Variants in MAP7 observed in about 807,000 individuals in gnomAD.
MAP7 encodes microtubule associated protein 7.
MAP7 carries 52 observed loss-of-function variants against 94.8 expected under a neutral mutation model. The observed-to-expected ratio is 0.55, with a 90% CI of 0.44 to 0.69. The LOEUF (loss-of-function observed/expected upper bound fraction) is 0.69. Among genes scored for constraint, MAP7 ranks in the 30% least tolerant of loss-of-function variants. The probability of loss-of-function intolerance (pLI) is 0.00; values close to 1 mark genes in which losing one functional copy is unlikely to be tolerated. For synonymous variants in MAP7, 350 were observed against 357.0 expected (o/e 0.98, Z 0.22); for missense variants, 940 against 964.6 (o/e 0.97, Z 0.34).
At chr6:136,507,478 A>AG in intron 1 of MAP7, among the ~76,000 whole-genome samples, 1 of 150,524 alleles carries the variant, frequency 6.6e-6, no homozygotes, top group South Asian at 2.1e-4. Context: ...AGATTCTCAA[A>AG]AAAAAAAAAA....
At chr6:136,519,688 T>C (rs1411725840) in intron 1 of MAP7, among the ~76,000 whole-genome samples, 1 of 152,142 alleles carries the variant, frequency 6.6e-6, no homozygotes, top group Non-Finnish European at 1.5e-5. Context: ...AATACACATT[T>C]TAACAAAGTG....
Position 136,497,513 on chromosome 6 carries a change from T to C in MAP7, c.67+52829A>G, listed in dbSNP as rs562873239. Among the ~76,000 whole-genome samples, 113 of 149,238 alleles carry C rather than the reference T, an allele frequency of 7.6e-4. 1 individual carries two copies. The highest frequency in any genetic ancestry group is 2.7e-3 in the African/African-American group (105 of 39,488). ...GCATTTTTCCTCTACCCCATGTCTA[T>C]GTCATCTTACTTAAAAAAAAAAAAA... On this transcript the variant is annotated intron_variant, in intron 1 of 17. Transcript: ENST00000354570.
chr6:136,548,813 G>C (rs1829920882), intron 1 of MAP7, among the ~76,000 whole-genome samples: 1 of 152,230 alleles, frequency 6.6e-6, no homozygotes, highest in South Asian at 2.1e-4. Flanking sequence ...TGCAGTTACT[G>C]GGTCAGGGTT....
chr6:136,379,220 GTCTTAAA>G lies in MAP7; in HGVS notation c.638-1359_638-1353del, dbSNP rs1385291628. On this transcript the variant is annotated intron_variant, in intron 6 of 17. Transcript: ENST00000354570. ...TAAAAGCCATATACTGCTAAACATT[GTCTTAAA>G]AATAGTTGCTTCCATTTGGAATGAA... Among the ~76,000 whole-genome samples the G allele has an allele frequency of 4.4e-3, 668 of 152,260 alleles. 6 individuals are homozygous for G. The highest frequency in any genetic ancestry group is 0.015 in the African/African-American group (637 of 41,554).
chr6:136,386,028 C>T (rs181995274), intron 5 of MAP7, among the ~76,000 whole-genome samples: 179 of 152,278 alleles, frequency 1.2e-3, no homozygotes, highest in Non-Finnish European at 1.9e-3. Context: ...GCCTCAGCCT[C>T]CCAAAGTGCT....
At chr6:136,440,467 T>C (rs1797513277) in intron 1 of MAP7, among the ~76,000 whole-genome samples, 1 of 152,128 alleles carries the variant, frequency 6.6e-6, no homozygotes, top group Non-Finnish European at 1.5e-5. Flanking sequence ...GCAGAAGTTA[T>C]GTCATCAGTC....
intron 1 of MAP7, among the ~76,000 whole-genome samples, chr6:136,454,773 CCTGT>C (rs1178460246): frequency 6.6e-6 from 1 of 152,022 alleles, no homozygotes; most frequent in Non-Finnish European, 1.5e-5. Flanking sequence ...GTGACCCTCA[CCTGT>C]ACTCACAGCT....
chr6:136,535,144 T>C (rs930540106), intron 1 of MAP7, among the ~76,000 whole-genome samples: 1 of 152,284 alleles, frequency 6.6e-6, no homozygotes, highest in South Asian at 2.1e-4. Context: ...ATCATGGCGG[T>C]GCAACCTCCA....
chr6:136,394,942 A>ATATATATATATATATG (rs1273907880), intron 3 of MAP7, among the ~76,000 whole-genome samples: 11 of 97,072 alleles, frequency 1.1e-4, no homozygotes, highest in Non-Finnish European at 1.8e-4. Flanking sequence ...ATATATATAT[A>ATATATATATATATATG]TATATATATA....
At chr6:136,432,800 T>G (rs1795330488) in intron 1 of MAP7, among the ~76,000 whole-genome samples, 1 of 152,208 alleles carries the variant, frequency 6.6e-6, no homozygotes, top group African/African-American at 2.4e-5. Context: ...CTTTTATTTA[T>G]TAGATTTTCC....
intron 1 of MAP7, among the ~76,000 whole-genome samples, chr6:136,475,094 C>T (rs943815678): frequency 6.6e-6 from 1 of 152,104 alleles, no homozygotes; most frequent in Non-Finnish European, 1.5e-5. Context: ...GTATGTTGGC[C>T]TTCTGCACAT....
chr6:136,398,473 C>G (rs1562354056), intron 3 of MAP7, among the ~76,000 whole-genome samples: 1 of 152,156 alleles, frequency 6.6e-6, no homozygotes, highest in South Asian at 2.1e-4. Context: ...CTCTGTGTTC[C>G]CACCCAAATC....
At chr6:136,351,262 C>CA (rs557844878) in intron 16 of MAP7, among the ~76,000 whole-genome samples, 24 of 148,324 alleles carry the variant, frequency 1.6e-4, no homozygotes, top group South Asian at 8.6e-4. Flanking sequence ...AACGAAAAAA[C>CA]AAAAAAAAGC....
chr6:136,393,004 T>C (rs766893210), intron 3 of MAP7, among the ~76,000 whole-genome samples: 27 of 152,252 alleles, frequency 1.8e-4, no homozygotes, highest in Non-Finnish European at 3.4e-4. Flanking sequence ...GCTGGTAAGA[T>C]AAATTTGTAA....
At chr6:136,412,571 A>C (rs1787828522) in intron 2 of MAP7, among the ~76,000 whole-genome samples, 1 of 152,168 alleles carries the variant, frequency 6.6e-6, no homozygotes, top group African/African-American at 2.4e-5. Context: ...TGTGATAATG[A>C]TGTTCCATAG....
At chr6:136,410,186 T>G (rs1013598352) in intron 3 of MAP7, among the ~76,000 whole-genome samples, 1 of 152,182 alleles carries the variant, frequency 6.6e-6, no homozygotes, top group African/African-American at 2.4e-5. Context: ...TCTCCCGACC[T>G]ATGGAACTCC....
intron 1 of MAP7, among the ~76,000 whole-genome samples, chr6:136,483,316 C>T (rs1450427360): frequency 1.3e-5 from 2 of 151,892 alleles, no homozygotes; most frequent in African/African-American, 4.8e-5. Context: ...ATTGAGTACA[C>T]ATGGACACCA....
chr6:136,517,287 C>T (rs1301829742), intron 1 of MAP7, among the ~76,000 whole-genome samples: 3 of 152,132 alleles, frequency 2.0e-5, no homozygotes, highest in African/African-American at 2.4e-5. Context: ...TAAAACAACA[C>T]AAGAAAGAAG....
At chr6:136,375,506 G>A (rs1775844519) in intron 7 of MAP7, among the ~76,000 whole-genome samples, 1 of 152,104 alleles carries the variant, frequency 6.6e-6, no homozygotes, top group Admixed American at 6.6e-5. Context: ...AATATGATGA[G>A]GTTGAGGGAC....
Sources: gnomAD v4.1 joint callset for allele counts (sites outside exome capture counted in the v4.1 genomes callset) on GRCh38, gnomAD v4.1.1 for gene constraint, MANE v1.5 for transcripts, NCBI Gene and HGNC (gene_info 2026-07-23, HGNC 2026-07-21) for gene names.